The following CYP7B1 variants were observed in gnomAD, a reference collection of about 807,000 sequenced individuals.
CYP7B1 encodes cytochrome P450 7B1.
A neutral mutation model predicts 42.7 loss-of-function variants in CYP7B1; 29 were observed. The ratio of observed to expected loss-of-function variants is 0.68; its 90% CI spans 0.51 to 0.93. The LOEUF (loss-of-function observed/expected upper bound fraction) is 0.93. CYP7B1 is among the 40% of genes least tolerant of loss of function. The pLI is 0.00. For missense variants in CYP7B1, 655 were observed against 600.5 expected (o/e 1.09, Z -0.95); for synonymous variants, 235 against 218.2 (o/e 1.08, Z -0.68).
chr8:64,702,412 C>G (rs1015140318), intron 1 of CYP7B1, among the ~76,000 whole-genome samples: 4 of 152,168 alleles, frequency 2.6e-5, no homozygotes, highest in African/African-American at 9.6e-5. Context: ...TGAGGTCATT[C>G]ATTACTGAAA....
intron 1 of CYP7B1, among the ~76,000 whole-genome samples, chr8:64,729,770 A>C (rs1349890512): frequency 6.6e-6 from 1 of 152,116 alleles, no homozygotes; most frequent in Non-Finnish European, 1.5e-5. Flanking sequence ...CGATTCTAAC[A>C]TTTTGTCCTG....
At chr8:64,603,164 A>C (rs2096109019) in intron 5 of CYP7B1, among the ~76,000 whole-genome samples, 1 of 152,222 alleles carries the variant, frequency 6.6e-6, no homozygotes, top group Non-Finnish European at 1.5e-5. Flanking sequence ...TGTATAAGGC[A>C]AGCCCTTCTG....
chr8:64,656,299 T>C (rs1806119725), intron 1 of CYP7B1, among the ~76,000 whole-genome samples: 1 of 152,210 alleles, frequency 6.6e-6, no homozygotes, highest in Non-Finnish European at 1.5e-5. Flanking sequence ...TGCTGAAAGC[T>C]CCAAGCCCAA....
At chr8:64,705,685 T>A (rs1806988643) in intron 1 of CYP7B1, among the ~76,000 whole-genome samples, 1 of 152,012 alleles carries the variant, frequency 6.6e-6, no homozygotes, top group African/African-American at 2.4e-5. Flanking sequence ...ATATATGGCT[T>A]GGTGATGATA....
intron 1 of CYP7B1, among the ~76,000 whole-genome samples, chr8:64,725,858 A>G (rs2129632967): frequency 6.6e-6 from 1 of 152,296 alleles, no homozygotes; most frequent in East Asian, 1.9e-4. Context: ...CTTCTCCTTC[A>G]TCATGCCCTG....
At chr8:64,645,030 A>G (rs1324370246) in intron 1 of CYP7B1, among the ~76,000 whole-genome samples, 18 of 150,796 alleles carry the variant, frequency 1.2e-4, no homozygotes, top group South Asian at 2.1e-4. Context: ...TTGTCCTTGC[A>G]ATAGTTTACT....
At chr8:64,797,209 T>C (rs1458576658) in intron 1 of CYP7B1, among the ~76,000 whole-genome samples, 1 of 152,156 alleles carries the variant, frequency 6.6e-6, no homozygotes, top group Non-Finnish European at 1.5e-5. Context: ...CTCACACCAA[T>C]CACCTTCACT....
chr8:64,624,033 A>T (rs1019621787), intron 2 of CYP7B1, among the ~76,000 whole-genome samples: 4 of 152,146 alleles, frequency 2.6e-5, no homozygotes, highest in Admixed American at 2.6e-4. Flanking sequence ...TGAACTACTA[A>T]ATTTTCTGTA....
chr8:64,669,401 A>G (rs1189305878), intron 1 of CYP7B1, among the ~76,000 whole-genome samples: 1 of 152,130 alleles, frequency 6.6e-6, no homozygotes, highest in Non-Finnish European at 1.5e-5. Context: ...ATGAAGATAT[A>G]AAAGGTTTCA....
At chr8:64,752,719 T>G (rs558700050) in intron 1 of CYP7B1, among the ~76,000 whole-genome samples, 1 of 152,334 alleles carries the variant, frequency 6.6e-6, no homozygotes, top group Non-Finnish European at 1.5e-5. Flanking sequence ...CATGTATGCC[T>G]GAAACCTTGA....
chr8:64,668,825 A>G (rs1320911702), intron 1 of CYP7B1, among the ~76,000 whole-genome samples: 1 of 152,076 alleles, frequency 6.6e-6, no homozygotes, highest in African/African-American at 2.4e-5. Context: ...TTGCATTTAT[A>G]AATTAAAATT....
chr8:64,637,725 T>G (rs1242975534), intron 1 of CYP7B1, among the ~76,000 whole-genome samples: 1 of 152,124 alleles, frequency 6.6e-6, no homozygotes, highest in Admixed American at 6.5e-5. Context: ...CCCTCCCACA[T>G]GTTTTGTGAA....
intron 1 of CYP7B1, among the ~76,000 whole-genome samples, chr8:64,726,759 G>A (rs1408403393): frequency 1.3e-5 from 2 of 152,166 alleles, no homozygotes; most frequent in Middle Eastern, 3.2e-3. Context: ...GTTAACTTAG[G>A]ATCATCTGTA....
At chr8:64,639,472 TCA>T (rs1243722140) in intron 1 of CYP7B1, among the ~76,000 whole-genome samples, 1 of 152,006 alleles carries the variant, frequency 6.6e-6, no homozygotes, top group Admixed American at 6.6e-5. Flanking sequence ...AATAAACATT[TCA>T]CCAAAAAGAT....
At chr8:64,714,612 T>C (rs1336098560) in intron 1 of CYP7B1, among the ~76,000 whole-genome samples, 1 of 152,198 alleles carries the variant, frequency 6.6e-6, no homozygotes, top group African/African-American at 2.4e-5. Context: ...CCCTGCAAAC[T>C]GTCAGTGACT....
intron 1 of CYP7B1, among the ~76,000 whole-genome samples, chr8:64,636,845 A>G (rs144410030): frequency 2.6e-4 from 39 of 152,312 alleles, no homozygotes; most frequent in Non-Finnish European, 4.7e-4. Flanking sequence ...TCATAACTGA[A>G]GTTATTTCAG....
intron 1 of CYP7B1, among the ~76,000 whole-genome samples, chr8:64,737,892 T>C (rs35407243): frequency 0.25 from 37,683 of 152,184 alleles, 5,402 homozygotes; most frequent in African/African-American, 0.39. Context: ...TTTGGTTTTA[T>C]GTTCTACTTA....
intron 2 of CYP7B1, among the ~76,000 whole-genome samples, chr8:64,618,864 G>C (rs1265036377): frequency 6.6e-6 from 1 of 151,822 alleles, no homozygotes; most frequent in Non-Finnish European, 1.5e-5. Flanking sequence ...TCCTTTCAAG[G>C]CTCTTTTCAG....
intron 1 of CYP7B1, among the ~76,000 whole-genome samples, chr8:64,648,897 A>G (rs551670590): frequency 1.3e-5 from 2 of 152,196 alleles, no homozygotes; most frequent in African/African-American, 4.8e-5. Flanking sequence ...TCTAAAAATA[A>G]AATATGAATG....
Sources: allele counts gnomAD v4.1 joint callset (sites outside exome capture counted in the v4.1 genomes callset), GRCh38; gene constraint gnomAD v4.1.1; transcripts MANE v1.5; gene names NCBI Gene and HGNC (gene_info 2026-07-23, HGNC 2026-07-21).